The following FBN1 variants were observed in gnomAD, a reference collection of about 807,000 sequenced individuals.
FBN1 encodes fibrillin 1, also known as fibrillin-1.
Under a neutral mutation model 365.1 loss-of-function variants are expected in FBN1, and 29 were observed. The observed-to-expected ratio is 0.08, with a 90% CI of 0.06 to 0.11. The LOEUF is 0.11. Ranked by LOEUF, FBN1 falls within the 10% of genes least tolerant of loss-of-function variation. The pLI, the probability that FBN1 is intolerant of heterozygous loss-of-function variation, is 1.00. For synonymous variants in FBN1, 1,210 were observed against 1,270.5 expected (o/e 0.95, Z 1.01); for missense variants, 2,476 against 3,703.2 (o/e 0.67, Z 8.60).
Position 48,515,539 on chromosome 15 carries a change from T to C in FBN1, c.1328-12A>G. The C allele has an allele frequency of 6.2e-7, 1 of 1,613,768 alleles. No individual in the cohort carries two copies. The highest frequency in any genetic ancestry group is 8.5e-7 in the Non-Finnish European group (1 of 1,179,788). ...TACTGGCAGCACCCCTAGAAGAACA[T>C]TAAGCCCCATTAAAATTATTTTAAC... On this transcript the variant is annotated splice_polypyrimidine_tract_variant and intron_variant, in intron 11 of 65. Coordinates refer to ENST00000316623, the MANE Select transcript of FBN1 (RefSeq NM_000138.5).
chr15:48,495,034 T>C, intron 22 of FBN1, 89 bp downstream of exon 22: 1 of 1,502,382 alleles, frequency 6.7e-7, no homozygotes, highest in Non-Finnish European at 9.2e-7. Context: ...AATTCTCATG[T>C]GAGCCTAGAT....
At chr15:48,600,689 A>G (rs1282637741) in intron 4 of FBN1, among the ~76,000 whole-genome samples, 1 of 152,196 alleles carries the variant, frequency 6.6e-6, no homozygotes, top group Non-Finnish European at 1.5e-5. Flanking sequence ...TGAGTGACAG[A>G]GCGAGCGAAA....
At chr15:48,507,580 G>C (rs1055796184) in intron 15 of FBN1, among the ~76,000 whole-genome samples, 2 of 152,238 alleles carry the variant, frequency 1.3e-5, no homozygotes, top group African/African-American at 2.4e-5. Context: ...TTTTAAGCCT[G>C]GAGAAAATGC....
At position 48,568,049 on chromosome 15, in the gene FBN1, G is replaced by GAAGAAAGAAAGAAAGA. The variant is rs1555403283; in HGVS notation, c.538+28218_538+28233dup. On this transcript the variant is annotated intron_variant, in intron 6 of 65. Coordinates refer to ENST00000316623, the MANE Select transcript of FBN1 (RefSeq NM_000138.5). ...AGAAAGAAAGAAAGAAAGAAAGAAA[G>GAAGAAAGAAAGAAAGA]AAGAAAGAAAGAAAGAAAGAAAGAA... is the stretch of plus-strand genomic sequence containing the variant. Among the ~76,000 whole-genome samples, 205 of 40,108 alleles carry GAAGAAAGAAAGAAAGA rather than the reference G, an allele frequency of 5.1e-3. 7 individuals are homozygous for GAAGAAAGAAAGAAAGA. The highest frequency in any genetic ancestry group is 0.022 in the African/African-American group (163 of 7,296). The allele number at this position is 40,108 out of a possible 152,430, so 26.3% of individuals were successfully genotyped here.
Position 48,544,751 on chromosome 15 carries a change from T to C in FBN1, c.539-6943A>G, listed in dbSNP as rs568783075. 2.0e-5 allele frequency among the ~76,000 whole-genome samples: 3 copies of C among 152,344 alleles called. No individual in the cohort carries two copies. In the East Asian group the frequency reaches 5.8e-4, roughly 29 times the overall value. On this transcript the variant is annotated intron_variant, in intron 6 of 65. Transcript: ENST00000316623. ...TTGTTCAGAGTAAAAGAATATCTCA[T>C]TTTGAAATAATCATTTACCTGATAT...
chr15:48,631,827 C>T (rs16961269), intron 2 of FBN1, among the ~76,000 whole-genome samples: 3,277 of 152,310 alleles, frequency 0.022, 130 homozygotes, highest in African/African-American at 0.076. Flanking sequence ...GAATAGCGCA[C>T]CACCTTGCCA....
chr15:48,501,925 T>G (rs2043662160), intron 17 of FBN1, among the ~76,000 whole-genome samples: 2 of 152,262 alleles, frequency 1.3e-5, no homozygotes, highest in Non-Finnish European at 2.9e-5. Flanking sequence ...AAACACATAT[T>G]GAACTGATTG....
At chr15:48,506,639 A>G (rs747722462) in intron 15 of FBN1, among the ~76,000 whole-genome samples, 4 of 152,226 alleles carry the variant, frequency 2.6e-5, no homozygotes, top group Non-Finnish European at 5.9e-5. Flanking sequence ...GAGTGAACAG[A>G]GAAGCCATGT....
intron 2 of FBN1, among the ~76,000 whole-genome samples, chr15:48,618,895 G>A (rs1889712492): frequency 6.6e-6 from 1 of 152,110 alleles, no homozygotes; most frequent in African/African-American, 2.4e-5. Flanking sequence ...CTGATGATCT[G>A]TCACTGTCTC....
intron 6 of FBN1, among the ~76,000 whole-genome samples, chr15:48,594,332 C>T (rs62011436): frequency 3.2e-4 from 48 of 152,162 alleles, no homozygotes; most frequent in Non-Finnish European, 5.9e-4. Context: ...AACGGGCAAG[C>T]CTGCCTTCTG....
Position 48,610,648 on chromosome 15 carries a change from G to A in FBN1, c.346+80C>T, listed in dbSNP as rs1353465589. On this transcript the variant is annotated intron_variant, in intron 4 of 65. Coordinates refer to ENST00000316623, the MANE Select transcript of FBN1 (RefSeq NM_000138.5). ...TGAAAAAATGTATTGCAGGAAAGAG[G>A]AAAGCCAAAATCAAATTTAGGAGAA... 58 of 1,096,860 alleles carry A rather than the reference G, an allele frequency of 5.3e-5. No homozygotes were observed. In the Middle Eastern group the frequency reaches 1.5e-3, roughly 27 times the overall value. The allele number at this position is 1,096,860 out of a possible 1,614,324, so 67.9% of individuals were successfully genotyped here.
Position 48,421,573 on chromosome 15 carries a change from C to A in FBN1, c.7684G>T (p.Gly2562Cys). 1 of 1,613,030 alleles carries A rather than the reference C, an allele frequency of 6.2e-7. No individual in the cohort carries two copies. The highest frequency in any genetic ancestry group is 8.5e-7 in the Non-Finnish European group (1 of 1,179,830). The change falls in exon 62 of 66, where the codon GGC becomes TGC. Residue 2562 changes from glycine to cysteine, a missense_variant. Gly to Cys is a radical substitution (Grantham distance 159, BLOSUM62 -3). Coordinates refer to ENST00000316623, the MANE Select transcript of FBN1 (RefSeq NM_000138.5). Reference protein sequence around the residue: ...CQRGFSLDQTGSSCEDVDECE... With the variant: ...CQRGFSLDQTCSSCEDVDECE... ...CTCCACCCACCTTCACAGCTGGAGCCGGTCTGATCAAGTGAGAATCCCCGC... is the reference window on the plus strand; with the variant it reads ...CTCCACCCACCTTCACAGCTGGAGCAGGTCTGATCAAGTGAGAATCCCCGC...
chr15:48,627,224 CAG>C (rs1889902008), intron 2 of FBN1, among the ~76,000 whole-genome samples: 1 of 152,150 alleles, frequency 6.6e-6, no homozygotes, highest in African/African-American at 2.4e-5. Context: ...ATAAATAAGA[CAG>C]TGTTTTGGAA....
intron 6 of FBN1, among the ~76,000 whole-genome samples, chr15:48,588,856 G>A (rs765945575): frequency 6.6e-6 from 1 of 152,178 alleles, no homozygotes; most frequent in Non-Finnish European, 1.5e-5. Flanking sequence ...AGGCTTCAGG[G>A]AGACTCCTCA....
Position 48,552,515 on chromosome 15 carries a change from TC to T in FBN1, c.539-14708del, listed in dbSNP as rs747595227. ...TTGAAGTCCTGGGCTCAAGCGATCC[TC>T]CCACCTCAGCCTCCCAAAGTGCAGG... On this transcript the variant is annotated intron_variant, in intron 6 of 65. Coordinates refer to ENST00000316623, the MANE Select transcript of FBN1 (RefSeq NM_000138.5). Among the ~76,000 whole-genome samples the T allele has an allele frequency of 1.6e-3, 238 of 152,104 alleles. 2 individuals are homozygous for T. The highest frequency in any genetic ancestry group is 5.4e-4 in the Non-Finnish European group (37 of 67,972).
intron 6 of FBN1, among the ~76,000 whole-genome samples, chr15:48,538,087 T>C (rs1436736668): frequency 2.0e-5 from 3 of 152,208 alleles, no homozygotes; most frequent in African/African-American, 7.2e-5. Context: ...TTTACAACTG[T>C]GAATTGCTAT....
At chr15:48,632,055 T>C (rs934125148) in intron 2 of FBN1, among the ~76,000 whole-genome samples, 9 of 152,200 alleles carry the variant, frequency 5.9e-5, no homozygotes, top group Non-Finnish European at 8.8e-5. Context: ...TAATAAGGAA[T>C]AATATTTAGT....
chr15:48,537,224 A>C (rs533531787), intron 7 of FBN1, among the ~76,000 whole-genome samples: 1 of 152,228 alleles, frequency 6.6e-6, no homozygotes. Flanking sequence ...CCCATGAGAG[A>C]GGAACTCAAC....
chr15:48,462,946 T>G, intron 42 of FBN1, 136 bp downstream of exon 42: 3 of 870,720 alleles, frequency 3.4e-6, no homozygotes. Context: ...AACTGTGAAT[T>G]TAAATCATGA....
Sources: gnomAD v4.1 joint callset for allele counts (sites outside exome capture counted in the v4.1 genomes callset) on GRCh38, gnomAD v4.1.1 for gene constraint, MANE v1.5 for transcripts, NCBI Gene and HGNC (gene_info 2026-07-23, HGNC 2026-07-21) for gene names.